SETD5: variants seen among roughly 807,000 people sequenced by gnomAD.
SETD5 encodes SET domain containing 5.
SETD5 carries 44 observed loss-of-function variants against 153.3 expected under a neutral mutation model. The ratio of observed to expected loss-of-function variants is 0.29; its 90% confidence interval spans 0.23 to 0.37. The LOEUF (loss-of-function observed/expected upper bound fraction) is 0.37, where lower values mean the gene tolerates loss of function less well. Among genes scored for constraint, SETD5 ranks in the 10% least tolerant of loss-of-function variants. The pLI is 1.00. For synonymous variants in SETD5, 716 were observed against 645.2 expected, an observed-to-expected ratio of 1.11 and a Z score of -1.66; for missense variants, 1,544 against 1,768.0, an observed-to-expected ratio of 0.87 and a Z score of 2.27.
chr3:9,448,880 G>A (rs1164838678), intron 16 of SETD5, among the ~76,000 whole-genome samples: 1 of 152,114 alleles, frequency 6.6e-6, no homozygotes, highest in African/African-American at 2.4e-5. Flanking sequence ...TCTCTTCTGA[G>A]AACCCTTGAG....
chr3:9,409,905 C>G (rs1236035545), intron 1 of SETD5, among the ~76,000 whole-genome samples: 5 of 152,090 alleles, frequency 3.3e-5, no homozygotes, highest in Admixed American at 1.3e-4. Flanking sequence ...TGTTTTGTGC[C>G]ACAATACACA....
In SETD5 at chr3:9,442,131, A is replaced by G. The variant is rs751603370; in HGVS notation, c.963A>G (p.Pro321=). Residue 321 remains proline (P), a synonymous_variant, in exon 10 of 23, where the codon CCA becomes CCG. Transcript: ENST00000402198. ...FEVNGHFFKK[P]YPFVLFYSKF... ...GGAATTTTAATTGTATCCCTAGACC[A>G]TACCCCTTTGTGCTCTTCTACTCAA... 9.3e-6 allele frequency: 15 copies of G among 1,604,382 alleles called. No individual in the cohort carries two copies. Among genetic ancestry groups the G allele is most frequent in the Non-Finnish European group, 1.2e-5 (14 of 1,173,170 alleles).
Position 9,476,814 on chromosome 3 carries a change from C to G in SETD5, c.*723C>G, listed in dbSNP as rs1242424435. The G allele has an allele frequency of 6.6e-6, 1 of 152,518 alleles. No homozygotes were observed. Among genetic ancestry groups the G allele is most frequent in the Non-Finnish European group, 1.5e-5 (1 of 68,062 alleles). The allele number at this position is 152,518 out of a possible 1,614,324, so 9.4% of individuals were successfully genotyped here. On this transcript the variant is annotated 3_prime_UTR_variant, in exon 23 of 23. Transcript: ENST00000402198. ...GTCTGAGCCTCCAACTGTTACCATC[C>G]TACTCCCCCTTCCCAAGCTATTTCA...
At position 9,441,664 on chromosome 3, in the gene SETD5, G is replaced by C; in HGVS notation, c.882G>C (p.Leu294Phe). 6.2e-7 allele frequency: 1 copy of C among 1,613,774 alleles called. No individual in the cohort carries two copies. The highest frequency in any genetic ancestry group is 8.5e-7 in the Non-Finnish European group (1 of 1,179,766). Residue 294 changes from leucine (L) to phenylalanine (F), a missense_variant, in exon 9 of 23, where the codon TTG becomes TTC. By Grantham distance (22) the Leu-to-Phe change is conservative. This residue lies in a region of SETD5 where 30 missense variants were observed against 66.0 expected (regional missense o/e 0.45). Transcript: ENST00000402198. ...TGAGGGCTGCAAGAGATTTGGCTTT[G>C]GACACTCTTATAATAGAGTATCGTG... ...KILRAARDLA[L>F]DTLIIEYRGK...
At position 9,443,291 on chromosome 3, in the gene SETD5, G is replaced by T; in HGVS notation, c.1078-17G>T. ...ATGGTCTTTATGAAAAATCCAACCA[G>T]AAGCCTTTTCACACAGGTGCGACAC... On this transcript the variant is annotated splice_polypyrimidine_tract_variant and intron_variant, in intron 10 of 22. Coordinates refer to ENST00000402198, the MANE Select transcript of SETD5 (RefSeq NM_001080517.3). 3.9e-6 allele frequency: 6 copies of T among 1,541,792 alleles called. No homozygotes were observed. Among genetic ancestry groups the T allele is most frequent in the Non-Finnish European group, 5.3e-6 (6 of 1,139,764 alleles).
intron 1 of SETD5, among the ~76,000 whole-genome samples, chr3:9,408,228 C>A (rs79599376): frequency 1.3e-5 from 2 of 152,182 alleles, no homozygotes; most frequent in Admixed American, 1.3e-4. Flanking sequence ...TCTTCTTATT[C>A]TGGAGTCTCC....
chr3:9,445,964 T>TG lies in SETD5; in HGVS notation c.1524+225dup, dbSNP rs1491487037. Reference sequence around the variant, plus strand: ...TTATCTAGTGATGGTTTGAAGAGGTTGTTTTTTTTTTTTTTTTTTTTTTTA... The same window carrying TG: ...TTATCTAGTGATGGTTTGAAGAGGTTGGTTTTTTTTTTTTTTTTTTTTTTTA... On this transcript the variant is annotated intron_variant, in intron 13 of 22. Coordinates refer to ENST00000402198, the MANE Select transcript of SETD5 (RefSeq NM_001080517.3). Among the ~76,000 whole-genome samples the TG allele has an allele frequency of 3.6e-3, 503 of 141,560 alleles. 8 individuals are homozygous for TG. Among genetic ancestry groups the TG allele is most frequent in the African/African-American group, 0.013 (475 of 36,316 alleles). 92.9% of individuals were successfully genotyped at this position (141,560 alleles called of 152,430 possible).
intron 1 of SETD5, among the ~76,000 whole-genome samples, chr3:9,415,873 T>A (rs1351091300): frequency 6.6e-6 from 1 of 151,628 alleles, no homozygotes; most frequent in Non-Finnish European, 1.5e-5. Flanking sequence ...CCATTGCTGT[T>A]GAACTTTTTT....
At position 9,475,675 on chromosome 3, in the gene SETD5, C is replaced by T; in HGVS notation, c.3913C>T (p.Pro1305Ser). 1 of 1,614,028 alleles carries T rather than the reference C, an allele frequency of 6.2e-7. No homozygotes were observed. The highest frequency in any genetic ancestry group is 1.1e-5 in the South Asian group (1 of 91,084). Residue 1305 changes from proline (P) to serine (S), a missense_variant, in exon 23 of 23, where the codon CCT becomes TCT. By Grantham distance (74) the Pro-to-Ser change is moderately conservative (BLOSUM62 -1). Transcript: ENST00000402198. ...CACGTCCTATTCCAGCCCCGCCCAC[C>T]CTGTGTCCACAGACTCGTTGGCCCC... Reference protein sequence around the residue: ...SSTSYSSPAHPVSTDSLAPFT... With the variant: ...SSTSYSSPAHSVSTDSLAPFT...
At chr3:9,398,321 T>G (rs1262363894) in intron 1 of SETD5, 2 of 151,994 alleles carry the variant, frequency 1.3e-5, no homozygotes, top group East Asian at 3.9e-4. Context: ...GAGAGGCCTC[T>G]TGCTGCCCTC....
At chr3:9,399,444 A>G (rs1284045847) in intron 1 of SETD5, among the ~76,000 whole-genome samples, 14 of 151,122 alleles carry the variant, frequency 9.3e-5, no homozygotes, top group African/African-American at 2.2e-4. Context: ...TTTTTTTTCT[A>G]TTGGATTTCT....
chr3:9,434,553 A>G lies in SETD5; in HGVS notation c.329+68A>G. Reference sequence around the variant, plus strand: ...ATTAGGGTTTCTTACAAGTAGGGAAAAGCTCAAAGTATTCTTTCTTGTGTT... The same window carrying G: ...ATTAGGGTTTCTTACAAGTAGGGAAGAGCTCAAAGTATTCTTTCTTGTGTT... On this transcript the variant is annotated intron_variant, in intron 5 of 22. Coordinates refer to ENST00000402198, the MANE Select transcript of SETD5 (RefSeq NM_001080517.3). The surrounding 1 kb of genome is among the most constrained non-coding windows in gnomAD (Gnocchi z 5.6). 1.9e-6 allele frequency: 3 copies of G among 1,601,622 alleles called. No individual in the cohort carries two copies. Among genetic ancestry groups the G allele is most frequent in the Non-Finnish European group, 2.6e-6 (3 of 1,173,508 alleles).
At position 9,464,619 on chromosome 3, in the gene SETD5, C is replaced by T. The variant is rs1219803615; in HGVS notation, c.2671C>T (p.Pro891Ser). The T allele has an allele frequency of 2.5e-6, 4 of 1,613,876 alleles. No individual in the cohort carries two copies. Among genetic ancestry groups the T allele is most frequent in the Non-Finnish European group, 3.4e-6 (4 of 1,179,898 alleles). The change falls in exon 18 of 23, where the codon CCA becomes TCA. Residue 891 changes from proline to serine, a missense_variant. This residue lies in a region of SETD5 where 782 missense variants were observed against 787.2 expected (regional missense o/e 0.99). Coordinates refer to ENST00000402198, the MANE Select transcript of SETD5 (RefSeq NM_001080517.3). ...AAATGGATACAGCCTCATGTTTTCA[C>T]CAGTCACATCTCTTACTACTGCTAG... ...CRNGYSLMFS[P>S]VTSLTTASRC...
At chr3:9,436,719 T>TA (rs1486158474) in intron 7 of SETD5, 1 of 723,250 alleles carries the variant, frequency 1.4e-6, no homozygotes, top group Non-Finnish European at 2.3e-6. Context: ...AATTCCATTG[T>TA]ATTTTTTACC....
At chr3:9,441,485 A>G (rs1224699435) in intron 8 of SETD5, 108 bp from the exon 9 acceptor site, 3 of 1,068,584 alleles carry the variant, frequency 2.8e-6, no homozygotes, top group Non-Finnish European at 4.2e-6. Context: ...TAACATGTAC[A>G]GATAAAACCT....
At chr3:9,413,649 G>GGTGTGTGTGTGT (rs1160123997) in intron 1 of SETD5, among the ~76,000 whole-genome samples, 66 of 140,456 alleles carry the variant, frequency 4.7e-4, no homozygotes, top group African/African-American at 9.4e-4. Context: ...GGGGAGGCGG[G>GGTGTGTGTGTGT]GTGTGTGTGT....
chr3:9,463,473 A>G (rs1003722068), intron 17 of SETD5, among the ~76,000 whole-genome samples: 2 of 152,244 alleles, frequency 1.3e-5, no homozygotes, highest in African/African-American at 4.8e-5. Context: ...TCTGAGAATC[A>G]AGTGAGAAAG....
At chr3:9,474,698 C>T in intron 21 of SETD5, 116 bp downstream of exon 21, 1 of 1,410,448 alleles carries the variant, frequency 7.1e-7, no homozygotes, top group South Asian at 1.3e-5. Flanking sequence ...TTGGGCTCCA[C>T]CGCATGCTAG....
chr3:9,468,484 G>C (rs1301379189), intron 18 of SETD5: 1 of 1,302,388 alleles, frequency 7.7e-7, no homozygotes, highest in Non-Finnish European at 1.0e-6. Flanking sequence ...ACTTCGAGTA[G>C]ATGAATAATA....
Sources: allele counts gnomAD v4.1 joint callset (sites outside exome capture counted in the v4.1 genomes callset), GRCh38; gene constraint gnomAD v4.1.1; regional missense constraint gnomAD v4.1.1; non-coding constraint Gnocchi (gnomAD v3.1); transcripts MANE v1.5; gene names NCBI Gene and HGNC (gene_info 2026-07-23, HGNC 2026-07-21).